The following DNAI4 variants were observed in gnomAD, a reference collection of about 807,000 sequenced individuals.
DNAI4 encodes WD repeat domain 78.
In DNAI4, 85 loss-of-function variants were observed where a neutral mutation model predicts 105.8. The observed-to-expected ratio is 0.80, with a 90% CI of 0.67 to 0.96. The LOEUF (loss-of-function observed/expected upper bound fraction) is 0.96. Ranked by LOEUF, DNAI4 falls within the 40% of genes least tolerant of loss-of-function variation. The probability of loss-of-function intolerance (pLI) is 0.00; values close to 1 mark genes in which losing one functional copy is unlikely to be tolerated. For synonymous variants in DNAI4, 352 were observed against 331.5 expected (o/e 1.06, Z -0.67); for missense variants, 1,014 against 1,005.6 (o/e 1.01, Z -0.11).
chr1:66,867,907 T>C (rs1646766070), intron 6 of DNAI4, among the ~76,000 whole-genome samples: 2 of 152,218 alleles, frequency 1.3e-5, no homozygotes, highest in Admixed American at 6.5e-5. Context: ...ACAGCAATTA[T>C]TATCTCTAGT....
intron 4 of DNAI4, among the ~76,000 whole-genome samples, chr1:66,875,608 A>T (rs1399022859): frequency 6.6e-6 from 1 of 152,110 alleles, no homozygotes; most frequent in Non-Finnish European, 1.5e-5. Flanking sequence ...GGAATTGGTT[A>T]TGTGGGTAAC....
chr1:66,832,633 A>G (rs1269098411), intron 13 of DNAI4, among the ~76,000 whole-genome samples: 1 of 152,140 alleles, frequency 6.6e-6, no homozygotes, highest in Admixed American at 6.6e-5. Context: ...GTCAATAATA[A>G]TTTAATTGTA....
At chr1:66,914,713 T>TG (rs964426114) in intron 1 of DNAI4, among the ~76,000 whole-genome samples, 16 of 149,866 alleles carry the variant, frequency 1.1e-4, no homozygotes, top group Non-Finnish European at 1.9e-4. Context: ...TAGGAAAAAA[T>TG]GAAAAAAAAA....
At chr1:66,834,320 C>A (rs931147808) in intron 11 of DNAI4, among the ~76,000 whole-genome samples, 172 bp from the exon 12 acceptor site, 3 of 151,860 alleles carry the variant, frequency 2.0e-5, no homozygotes, top group African/African-American at 4.8e-5. Context: ...GAAAAGACAA[C>A]CACTTTTCTA....
intron 4 of DNAI4, among the ~76,000 whole-genome samples, chr1:66,885,964 T>C (rs1404628076): frequency 1.3e-5 from 2 of 152,228 alleles, no homozygotes; most frequent in Non-Finnish European, 1.5e-5. Context: ...CATTCTCTCT[T>C]CTGGTATTCC....
At chr1:66,876,379 A>G (rs1300586518) in intron 4 of DNAI4, among the ~76,000 whole-genome samples, 1 of 152,204 alleles carries the variant, frequency 6.6e-6, no homozygotes, top group Admixed American at 6.6e-5. Flanking sequence ...TTAGTTATAT[A>G]AACTTCAAAG....
chr1:66,825,254 A>T (rs980262999), intron 15 of DNAI4, among the ~76,000 whole-genome samples: 1 of 135,306 alleles, frequency 7.4e-6, no homozygotes, highest in African/African-American at 2.8e-5. Context: ...ATCTCGGCTC[A>T]CTGCAAGCTC....
At chr1:66,852,316 G>A (rs994820388) in intron 7 of DNAI4, among the ~76,000 whole-genome samples, 1 of 151,918 alleles carries the variant, frequency 6.6e-6, no homozygotes, top group African/African-American at 2.4e-5. Context: ...AAGAAGAATT[G>A]TCACTAATTC....
At chr1:66,821,758 T>C (rs1392242335) in intron 16 of DNAI4, among the ~76,000 whole-genome samples, 1 of 152,118 alleles carries the variant, frequency 6.6e-6, no homozygotes, top group Non-Finnish European at 1.5e-5. Flanking sequence ...TTTATCATAT[T>C]TGTGCTAATA....
At chr1:66,914,251 T>C (rs1230129151) in intron 1 of DNAI4, among the ~76,000 whole-genome samples, 2 of 152,342 alleles carry the variant, frequency 1.3e-5, no homozygotes, top group African/African-American at 2.4e-5. Context: ...GGAAATAATA[T>C]GGTCTTTGTG....
chr1:66,879,836 G>A (rs1368338559), intron 4 of DNAI4, among the ~76,000 whole-genome samples: 1 of 152,002 alleles, frequency 6.6e-6, no homozygotes. Context: ...TTGATGAAGT[G>A]TTTGTTCCTA....
At chr1:66,878,131 T>G (rs1463291485) in intron 4 of DNAI4, among the ~76,000 whole-genome samples, 1 of 152,182 alleles carries the variant, frequency 6.6e-6, no homozygotes, top group Non-Finnish European at 1.5e-5. Context: ...TTTGGAATTC[T>G]CGTGTAAAAA....
intron 6 of DNAI4, among the ~76,000 whole-genome samples, chr1:66,868,379 GT>G (rs1467847513): frequency 6.6e-6 from 1 of 152,168 alleles, no homozygotes; most frequent in East Asian, 1.9e-4. Context: ...TAGCTAGCTG[GT>G]TAAACGTTGT....
At chr1:66,888,510 T>C (rs377201649) in intron 4 of DNAI4, among the ~76,000 whole-genome samples, 2 of 152,224 alleles carry the variant, frequency 1.3e-5, no homozygotes, top group East Asian at 1.9e-4. Flanking sequence ...CTGTGCAACA[T>C]GGTGAAACCC....
chr1:66,817,768 G>A (rs1645548201), intron 16 of DNAI4, among the ~76,000 whole-genome samples: 1 of 152,156 alleles, frequency 6.6e-6, no homozygotes, highest in Non-Finnish European at 1.5e-5. Flanking sequence ...TGAGATGATG[G>A]AGGACTTAGG....
At chr1:66,870,464 T>C (rs1212683060) in intron 6 of DNAI4, among the ~76,000 whole-genome samples, 1 of 114,098 alleles carries the variant, frequency 8.8e-6, no homozygotes, top group Non-Finnish European at 1.8e-5. Context: ...AAAAAGAATA[T>C]AACCAGCTGG....
intron 1 of DNAI4, among the ~76,000 whole-genome samples, chr1:66,922,283 G>C (rs925831901): frequency 2.6e-5 from 4 of 151,896 alleles, no homozygotes; most frequent in African/African-American, 9.7e-5. Flanking sequence ...AGCTCCAAAG[G>C]TGAAGTATTA....
In DNAI4 at chr1:66,862,142, C is replaced by T; in HGVS notation, c.1096+5G>A. The stretch of plus-strand genomic sequence containing the variant: ...TCAAAAAAACTAAAATAAATGAAAT[C>T]TTACTTTTTTCTGTAGTGCTCCCTG... On this transcript the variant is annotated splice_donor_5th_base_variant and intron_variant, in intron 7 of 16. Coordinates refer to ENST00000371026, the MANE Select transcript of DNAI4 (RefSeq NM_024763.5). 1 of 1,553,698 alleles carries T rather than the reference C, an allele frequency of 6.4e-7. No homozygotes were observed. Among genetic ancestry groups the T allele is most frequent in the Non-Finnish European group, 8.6e-7 (1 of 1,158,086 alleles).
At chr1:66,922,612 A>G (rs1447690746) in intron 1 of DNAI4, among the ~76,000 whole-genome samples, 4 of 152,200 alleles carry the variant, frequency 2.6e-5, no homozygotes, top group South Asian at 2.1e-4. Flanking sequence ...GGGTATCACA[A>G]TGTAACACAG....
Sources: gnomAD v4.1 joint callset for allele counts (sites outside exome capture counted in the v4.1 genomes callset) on GRCh38, gnomAD v4.1.1 for gene constraint, MANE v1.5 for transcripts, NCBI Gene and HGNC (gene_info 2026-07-23, HGNC 2026-07-21) for gene names.